Variants in AP1M1 observed in about 807,000 individuals in gnomAD.
AP1M1 encodes the protein AP-1 complex subunit mu-1.
In AP1M1, 18 loss-of-function variants were observed where a neutral mutation model predicts 57.1. The observed-to-expected ratio is 0.32, with a 90% CI of 0.22 to 0.47. The LOEUF is 0.47. AP1M1 is among the 20% of genes least tolerant of loss of function. The pLI is 1.00. For synonymous variants in AP1M1, 241 were observed against 237.9 expected (o/e 1.01, Z -0.12); for missense variants, 362 against 593.5 (o/e 0.61, Z 4.05).
intron 5 of AP1M1, among the ~76,000 whole-genome samples, chr19:16,221,944 C>T (rs1029654840): frequency 5.9e-5 from 9 of 152,120 alleles, no homozygotes; most frequent in African/African-American, 2.2e-4. Flanking sequence ...CCTCAGCCTC[C>T]CAAAGTGCTG....
Position 16,203,414 on chromosome 19 carries a change from A to G in AP1M1, c.43-45A>G. ...CCCCTGCCCCAAGCCCCCAGATTGT[A>G]GAACTGAAAATGCAAGCATCTTTTC... is the stretch of plus-strand genomic sequence containing the variant. On this transcript the variant is annotated intron_variant, in intron 1 of 11. Coordinates refer to ENST00000291439, the MANE Select transcript of AP1M1 (RefSeq NM_032493.4). The surrounding 1 kb of genome is among the most constrained non-coding windows in gnomAD (Gnocchi z 4.6). 2 of 1,611,264 alleles carry G rather than the reference A, an allele frequency of 1.2e-6. No homozygotes were observed. The highest frequency in any genetic ancestry group is 1.7e-6 in the Non-Finnish European group (2 of 1,177,602).
At chr19:16,226,312 A>G in intron 5 of AP1M1, 109 bp from the exon 6 acceptor site, 1 of 1,401,892 alleles carries the variant, frequency 7.1e-7, no homozygotes, top group South Asian at 1.4e-5. Flanking sequence ...ATGGGCTTGG[A>G]GGTGAGAAGG....
chr19:16,209,296 G>A, intron 5 of AP1M1, 119 bp downstream of exon 5: 4 of 1,163,542 alleles, frequency 3.4e-6, no homozygotes, highest in East Asian at 2.4e-5. Context: ...CAGATAGCAG[G>A]ATTCAGTTTG....
intron 5 of AP1M1, among the ~76,000 whole-genome samples, chr19:16,218,852 T>G (rs911036485): frequency 4.6e-5 from 7 of 152,132 alleles, no homozygotes; most frequent in African/African-American, 1.7e-4. Context: ...TCTGGAAGCT[T>G]CTTTTATCTC....
At position 16,198,001 on chromosome 19, in the gene AP1M1, C is replaced by G. The variant is rs777929833; in HGVS notation, c.-26C>G. 2 of 1,564,158 alleles carry G rather than the reference C, an allele frequency of 1.3e-6. No individual in the cohort carries two copies. The highest frequency in any genetic ancestry group is 2.3e-5 in the South Asian group (2 of 86,270). On this transcript the variant is annotated 5_prime_UTR_variant, in exon 1 of 12. Coordinates refer to ENST00000291439, the MANE Select transcript of AP1M1 (RefSeq NM_032493.4). Reference sequence around the variant, plus strand: ...CGCTGCCGCCGCCACCGCCCTCGGCCGCTGCCGAGGCCTCCTGCAGCCATC... The same window carrying G: ...CGCTGCCGCCGCCACCGCCCTCGGCGGCTGCCGAGGCCTCCTGCAGCCATC...
chr19:16,226,731 C>T (rs2091572869), intron 6 of AP1M1, 184 bp downstream of exon 6: 2 of 793,826 alleles, frequency 2.5e-6, no homozygotes, highest in South Asian at 2.4e-5. Flanking sequence ...ATAGAAGGTG[C>T]AGGGGAGTGA....
In AP1M1 at chr19:16,228,137, G is replaced by A; in HGVS notation, c.817G>A (p.Val273Ile). Residue 273 changes from valine (V) to isoleucine (I), a missense_variant and splice_region_variant, in exon 8 of 12, where the codon GTC becomes ATC. This residue lies in a region of AP1M1 where 337 missense variants were observed against 511.1 expected (regional missense o/e 0.66). Transcript: ENST00000291439. The surrounding 1 kb of genome is among the most constrained non-coding windows in gnomAD (Gnocchi z 5.0). ...ELMSYRLNTH[V>I]KPLIWIESVI... ...GCACCCTCTTTGCCCTCCTTGGCAG[G>A]TCAAGCCTTTGATATGGATCGAGTC... is the stretch of plus-strand genomic sequence containing the variant. 6.2e-7 allele frequency: 1 copy of A among 1,613,860 alleles called. No homozygotes were observed.
rs756198554 is a variant in AP1M1, at chr19:16,206,216, C to G, written c.200-125C>G. The G allele has an allele frequency of 2.2e-4, 214 of 956,752 alleles. No homozygotes were observed. The highest frequency in any genetic ancestry group is 1.5e-4 in the South Asian group (10 of 67,646). 59.3% of individuals were successfully genotyped at this position (956,752 alleles called of 1,614,324 possible). On this transcript the variant is annotated intron_variant, in intron 2 of 11. Coordinates refer to ENST00000291439, the MANE Select transcript of AP1M1 (RefSeq NM_032493.4). This position sits in a 1 kb window ranked among gnomAD's most constrained non-coding sequence, Gnocchi z 4.3. ...TGTAGCCCACCATGGGCCAAGTAAA[C>G]GGCTGGGAGTGGGGATAGGGAAGGC...
chr19:16,226,857 T>A, intron 6 of AP1M1: 1 of 246,084 alleles, frequency 4.1e-6, no homozygotes, highest in Non-Finnish European at 7.8e-6. Context: ...GCTCTCTCCC[T>A]CCCAGGCCAG....
intron 10 of AP1M1, 136 bp from the exon 11 acceptor site, chr19:16,234,063 A>AC: frequency 2.5e-6 from 2 of 803,504 alleles, no homozygotes; most frequent in East Asian, 2.7e-5. Flanking sequence ...AATCCCTTTC[A>AC]CCCCCCTGAG....
At chr19:16,220,125 T>C (rs1178707367) in intron 5 of AP1M1, among the ~76,000 whole-genome samples, 2 of 152,228 alleles carry the variant, frequency 1.3e-5, no homozygotes, top group Non-Finnish European at 2.9e-5. Context: ...GTTAATTCTT[T>C]AAACATTTGT....
chr19:16,215,237 GA>G (rs2091514435), intron 5 of AP1M1, among the ~76,000 whole-genome samples: 1 of 81,592 alleles, frequency 1.2e-5, no homozygotes, highest in Non-Finnish European at 2.9e-5. Context: ...GAGGGGAGGG[GA>G]TCACCTGAGG....
chr19:16,205,910 T>C (rs2145116236), intron 2 of AP1M1, among the ~76,000 whole-genome samples: 1 of 152,324 alleles, frequency 6.6e-6, no homozygotes, highest in East Asian at 1.9e-4. Flanking sequence ...GAATTGGCCC[T>C]GGCTGCTTGC....
intron 10 of AP1M1, among the ~76,000 whole-genome samples, 171 bp downstream of exon 10, chr19:16,233,789 G>T (rs987118712): frequency 5.3e-5 from 8 of 152,148 alleles, no homozygotes; most frequent in African/African-American, 1.9e-4. Flanking sequence ...CCTCTGCTCA[G>T]CCCTGACCCC....
At chr19:16,199,277 A>G (rs1211757555) in intron 1 of AP1M1, among the ~76,000 whole-genome samples, 9 of 152,184 alleles carry the variant, frequency 5.9e-5, no homozygotes, top group Admixed American at 4.6e-4. Flanking sequence ...GGGGTGACAA[A>G]TGGACCAGAG....
rs1408376031 is a variant in AP1M1, at chr19:16,228,913, C to T, written c.1032C>T (p.Ser344=). 1.2e-6 allele frequency: 2 copies of T among 1,614,020 alleles called. No individual in the cohort carries two copies. The highest frequency in any genetic ancestry group is 3.3e-5 in the Admixed American group (2 of 60,016). The part of the protein sequence containing the change: ...WVPENSEIVW[S]IKSFPGGKEY... The stretch of plus-strand genomic sequence containing the variant: ...CCGAGAACAGCGAGATCGTGTGGTC[C>T]ATCAAGTCCTTCCCGGTGAGCACTC... The change falls in exon 9 of 12, where the codon TCC becomes TCT. Residue 344 remains serine (S), a synonymous_variant. Coordinates refer to ENST00000291439, the MANE Select transcript of AP1M1 (RefSeq NM_032493.4). The surrounding 1 kb of genome is among the most constrained non-coding windows in gnomAD (Gnocchi z 5.0).
chr19:16,203,366 C>A lies in AP1M1; in HGVS notation c.43-93C>A. 2 of 1,363,064 alleles carry A rather than the reference C, an allele frequency of 1.5e-6. No homozygotes were observed. Among genetic ancestry groups the A allele is most frequent in the Non-Finnish European group, 2.1e-6 (2 of 965,134 alleles). 84.4% of individuals were successfully genotyped at this position (1,363,064 alleles called of 1,614,324 possible). ...GTGGCCATGACCGGAGTCCCCAGAG[C>A]GAAGCAGGGTGGTGCATCTCACCCC... On this transcript the variant is annotated intron_variant, in intron 1 of 11. Coordinates refer to ENST00000291439, the MANE Select transcript of AP1M1 (RefSeq NM_032493.4). The surrounding 1 kb of genome is among the most constrained non-coding windows in gnomAD (Gnocchi z 4.6).
intron 5 of AP1M1, among the ~76,000 whole-genome samples, chr19:16,223,666 T>G (rs1205055023): frequency 6.6e-6 from 1 of 152,170 alleles, no homozygotes; most frequent in African/African-American, 2.4e-5. Context: ...TCTGCTGAGC[T>G]CTCGTGTGCT....
intron 5 of AP1M1, among the ~76,000 whole-genome samples, chr19:16,213,165 A>G (rs1330150934): frequency 6.6e-6 from 1 of 152,098 alleles, no homozygotes; most frequent in East Asian, 1.9e-4. Flanking sequence ...TGCCCCAGTG[A>G]TCTGTCTAAT....
Sources: gnomAD v4.1 joint callset for allele counts (sites outside exome capture counted in the v4.1 genomes callset) on GRCh38, gnomAD v4.1.1 for gene constraint, gnomAD v4.1.1 regional missense constraint, Gnocchi (gnomAD v3.1) non-coding constraint, MANE v1.5 for transcripts, NCBI Gene and HGNC (gene_info 2026-07-23, HGNC 2026-07-21) for gene names.